Variants in GALNTL6 observed in about 807,000 individuals in gnomAD.
GALNTL6 encodes the protein polypeptide N-acetylgalactosaminyltransferase like 6.
GALNTL6 carries 46 observed loss-of-function variants against 73.7 expected under a neutral mutation model. The observed-to-expected ratio is 0.62, with a 90% CI of 0.49 to 0.80. GALNTL6 has a LOEUF of 0.80. Ranked by LOEUF, GALNTL6 falls within the 30% of genes least tolerant of loss-of-function variation. GALNTL6 has a pLI of 0.00. For missense variants in GALNTL6, 604 were observed against 755.0 expected (o/e 0.80, Z 2.34); for synonymous variants, 259 against 263.7 (o/e 0.98, Z 0.17).
chr4:172,702,185 T>C (rs2111294286), intron 5 of GALNTL6, among the ~76,000 whole-genome samples: 1 of 152,216 alleles, frequency 6.6e-6, no homozygotes, highest in East Asian at 1.9e-4. Context: ...TTTATATCAA[T>C]ATTAGAATGA....
At chr4:172,263,586 AAATTG>A (rs1041862272) in intron 3 of GALNTL6, among the ~76,000 whole-genome samples, 12 of 151,352 alleles carry the variant, frequency 7.9e-5, no homozygotes, top group African/African-American at 2.7e-4. Flanking sequence ...GCTACTTTTT[AAATTG>A]ATTTACTTAA....
At chr4:172,293,902 G>A (rs1739564983) in intron 3 of GALNTL6, among the ~76,000 whole-genome samples, 1 of 149,776 alleles carries the variant, frequency 6.7e-6, no homozygotes, top group South Asian at 2.1e-4. Flanking sequence ...TAAGTTTTAG[G>A]GTGCATGTGC....
chr4:172,815,932 A>T (rs1019075013), intron 7 of GALNTL6, among the ~76,000 whole-genome samples: 16 of 152,156 alleles, frequency 1.1e-4, no homozygotes, highest in African/African-American at 3.6e-4. Flanking sequence ...TGCCTTCCTG[A>T]TAATAAAAGA....
At chr4:172,492,003 G>A (rs1017556800) in intron 5 of GALNTL6, among the ~76,000 whole-genome samples, 6 of 152,126 alleles carry the variant, frequency 3.9e-5, no homozygotes, top group African/African-American at 1.4e-4. Flanking sequence ...TATCCATTGA[G>A]TGGTTCTAAC....
At chr4:171,930,811 G>A (rs921537472) in intron 2 of GALNTL6, among the ~76,000 whole-genome samples, 1 of 152,166 alleles carries the variant, frequency 6.6e-6, no homozygotes, top group African/African-American at 2.4e-5. Flanking sequence ...CTCCAGCCTG[G>A]GTGACAGAGC....
At chr4:171,981,692 A>T (rs1739900419) in intron 2 of GALNTL6, among the ~76,000 whole-genome samples, 1 of 152,056 alleles carries the variant, frequency 6.6e-6, no homozygotes, top group Non-Finnish European at 1.5e-5. Context: ...ATTACACAAC[A>T]CCTGAGTGAG....
intron 5 of GALNTL6, among the ~76,000 whole-genome samples, chr4:172,556,039 G>T (rs1736129070): frequency 6.6e-6 from 1 of 151,976 alleles, no homozygotes; most frequent in Non-Finnish European, 1.5e-5. Flanking sequence ...ATTATGTTAG[G>T]ATACCTTCTG....
At chr4:172,328,371 G>T (rs916057234) in intron 4 of GALNTL6, among the ~76,000 whole-genome samples, 1 of 152,008 alleles carries the variant, frequency 6.6e-6, no homozygotes, top group Non-Finnish European at 1.5e-5. Flanking sequence ...GTGTATTGAG[G>T]ATTTTCTTCT....
At chr4:172,277,263 C>CAA (rs10645932) in intron 3 of GALNTL6, among the ~76,000 whole-genome samples, 18,921 of 145,486 alleles carry the variant, frequency 0.13, 1,268 homozygotes, top group East Asian at 0.3. Context: ...ATAAAAAATG[C>CAA]AAAAAAAAAA....
chr4:171,952,600 A>G (rs453429), intron 2 of GALNTL6, among the ~76,000 whole-genome samples: 71,277 of 151,744 alleles, frequency 0.47, 17,153 homozygotes, highest in Middle Eastern at 0.61. Flanking sequence ...GAAGTAGCAA[A>G]ATTACATGAT....
chr4:172,206,805 G>GTTTGTTGTTTTTTTTT (rs1554003003), intron 2 of GALNTL6, among the ~76,000 whole-genome samples: 1 of 26,130 alleles, frequency 3.8e-5, no homozygotes, highest in African/African-American at 9.5e-5. Flanking sequence ...TTGTTTTTCT[G>GTTTGTTGTTTTTTTTT]TTTTTTTTGT....
intron 5 of GALNTL6, among the ~76,000 whole-genome samples, chr4:172,776,179 G>A (rs928035538): frequency 1.3e-5 from 2 of 152,188 alleles, no homozygotes; most frequent in African/African-American, 4.8e-5. Context: ...TTCTTATGTA[G>A]CAATGAAACG....
chr4:172,926,684 T>C (rs1199914207), intron 8 of GALNTL6, among the ~76,000 whole-genome samples: 1 of 152,240 alleles, frequency 6.6e-6, no homozygotes, highest in Non-Finnish European at 1.5e-5. Flanking sequence ...CTGCAGATGA[T>C]AAGAAAGTTT....
chr4:172,931,131 T>C (rs763605311), intron 8 of GALNTL6, 30 bp from the exon 9 acceptor site: 13 of 1,159,620 alleles, frequency 1.1e-5, no homozygotes, highest in African/African-American at 1.5e-5. Flanking sequence ...AAATTCACTG[T>C]TGTCTTTTGT....
At chr4:172,336,782 A>G (rs913493368) in intron 4 of GALNTL6, among the ~76,000 whole-genome samples, 2 of 152,242 alleles carry the variant, frequency 1.3e-5, no homozygotes, top group African/African-American at 4.8e-5. Flanking sequence ...TGTTAATTTA[A>G]GTTCAGAATT....
Position 172,867,429 on chromosome 4 carries a change from C to A in GALNTL6, c.924-15361C>A, listed in dbSNP as rs546045732. Among the ~76,000 whole-genome samples the A allele has an allele frequency of 3.3e-5, 5 of 152,246 alleles. No individual in the cohort carries two copies. The East Asian group carries it at 9.7e-4, about 29-fold the overall frequency. ...GAAGAGGGCTGGCAGGTCTCCAGAG[C>A]AAGAAGAAGCCTCTATCCTTCTGCA... On this transcript the variant is annotated intron_variant, in intron 7 of 12. Coordinates refer to ENST00000506823, the MANE Select transcript of GALNTL6 (RefSeq NM_001034845.3).
intron 2 of GALNTL6, among the ~76,000 whole-genome samples, chr4:171,935,487 G>C (rs1427749167): frequency 6.6e-6 from 1 of 152,020 alleles, no homozygotes; most frequent in Non-Finnish European, 1.5e-5. Context: ...TTTCTGTTTT[G>C]AGATGGGGTC....
intron 3 of GALNTL6, among the ~76,000 whole-genome samples, chr4:172,302,666 A>C (rs1458000027): frequency 6.6e-6 from 1 of 152,188 alleles, no homozygotes; most frequent in Non-Finnish European, 1.5e-5. Flanking sequence ...TTTTCTAAAA[A>C]ATTTGTATAA....
intron 10 of GALNTL6, among the ~76,000 whole-genome samples, chr4:172,956,657 G>A (rs767573785): frequency 2.0e-5 from 3 of 152,166 alleles, no homozygotes; most frequent in Admixed American, 1.3e-4. Flanking sequence ...CTGGAATGAG[G>A]CTGGGGCCTA....
Sources: allele counts gnomAD v4.1 joint callset (sites outside exome capture counted in the v4.1 genomes callset), GRCh38; gene constraint gnomAD v4.1.1; transcripts MANE v1.5; gene names NCBI Gene and HGNC (gene_info 2026-07-23, HGNC 2026-07-21).